Variants in NOX3 observed in about 807,000 individuals in gnomAD.
NOX3 encodes NADPH oxidase 3.
In NOX3, 74 loss-of-function variants were observed where a neutral mutation model predicts 76.7. The observed-to-expected ratio is 0.96, with a 90% CI of 0.80 to 1.17. The LOEUF (loss-of-function observed/expected upper bound fraction) is 1.17, where lower values mean the gene tolerates loss of function less well. Among genes scored for constraint, NOX3 ranks in the 50% most tolerant of loss-of-function variants. The probability of loss-of-function intolerance (pLI) is 0.00; values close to 1 mark genes in which losing one functional copy is unlikely to be tolerated. For synonymous variants in NOX3, 263 were observed against 261.1 expected (o/e 1.01, Z -0.07); for missense variants, 695 against 703.3 (o/e 0.99, Z 0.13).
At chr6:155,417,040 C>T (rs188400279) in intron 10 of NOX3, among the ~76,000 whole-genome samples, 9 of 152,128 alleles carry the variant, frequency 5.9e-5, no homozygotes, top group Admixed American at 3.9e-4. Context: ...TGTGAGCCAC[C>T]ACACCTGGCC....
At chr6:155,417,885 C>T (rs911779226) in intron 10 of NOX3, among the ~76,000 whole-genome samples, 1 of 152,150 alleles carries the variant, frequency 6.6e-6, no homozygotes, top group Non-Finnish European at 1.5e-5. Flanking sequence ...AGGTTAAGAA[C>T]CCAAAGGCCA....
chr6:155,452,059 T>C (rs1777152438), intron 4 of NOX3, among the ~76,000 whole-genome samples: 1 of 152,180 alleles, frequency 6.6e-6, no homozygotes, highest in Non-Finnish European at 1.5e-5. Flanking sequence ...CATTTTACTG[T>C]GTTATGCAGA....
intron 12 of NOX3, among the ~76,000 whole-genome samples, chr6:155,403,804 T>C (rs1779265415): frequency 6.6e-6 from 1 of 152,204 alleles, no homozygotes; most frequent in African/African-American, 2.4e-5. Context: ...AGTTTTATCC[T>C]TGGTCTCTTG....
intron 4 of NOX3, among the ~76,000 whole-genome samples, chr6:155,451,540 A>T (rs1475274901): frequency 6.6e-6 from 1 of 152,224 alleles, no homozygotes; most frequent in African/African-American, 2.4e-5. Context: ...ACACGATTAC[A>T]TATAAAGAAA....
In NOX3 at chr6:155,400,451, G is replaced by A. The variant is rs1458543214; in HGVS notation, c.1581-3489C>T. ...TAAAATCGATAAACAGAAGCTTCCC[G>A]TGGATTTATGGAGGCTTAGAAAGAA... On this transcript the variant is annotated intron_variant, in intron 12 of 13. Coordinates refer to ENST00000159060, the MANE Select transcript of NOX3 (RefSeq NM_015718.3). Among the ~76,000 whole-genome samples the A allele has an allele frequency of 5.3e-5, 8 of 152,270 alleles. No individual in the cohort carries two copies. The East Asian group carries it at 1.2e-3, about 22-fold the overall frequency.
At chr6:155,441,877 A>G (rs1776991379) in intron 5 of NOX3, among the ~76,000 whole-genome samples, 1 of 152,186 alleles carries the variant, frequency 6.6e-6, no homozygotes, top group Non-Finnish European at 1.5e-5. Flanking sequence ...CTGTGATTCA[A>G]TGGACGGACA....
At chr6:155,442,047 G>A (rs1776996220) in intron 5 of NOX3, among the ~76,000 whole-genome samples, 1 of 152,134 alleles carries the variant, frequency 6.6e-6, no homozygotes, top group Non-Finnish European at 1.5e-5. Flanking sequence ...GGCGGATCAC[G>A]AGGTCAGGCG....
chr6:155,397,836 C>T (rs1779159531), intron 12 of NOX3, among the ~76,000 whole-genome samples: 1 of 152,158 alleles, frequency 6.6e-6, no homozygotes, highest in Non-Finnish European at 1.5e-5. Context: ...GAAGGGAGAG[C>T]TGGAAAAGAA....
chr6:155,416,432 G>A (rs910900892), intron 10 of NOX3, among the ~76,000 whole-genome samples: 2 of 152,136 alleles, frequency 1.3e-5, no homozygotes, highest in African/African-American at 4.8e-5. Context: ...TAATACAATA[G>A]CAAATAAGAA....
At chr6:155,422,887 A>T in intron 9 of NOX3, 31 bp from the exon 10 acceptor site, 1 of 1,611,368 alleles carries the variant, frequency 6.2e-7, no homozygotes, top group South Asian at 1.1e-5. Flanking sequence ...AGCCTATTTG[A>T]CCTTCAGAAC....
chr6:155,449,794 C>T (rs1300316797), intron 4 of NOX3, among the ~76,000 whole-genome samples: 1 of 152,194 alleles, frequency 6.6e-6, no homozygotes, highest in Non-Finnish European at 1.5e-5. Context: ...TTACACACCT[C>T]TATTAAGCCA....
At chr6:155,445,981 C>CTATATATATATATATATATATATGCTATA (rs61040526) in intron 4 of NOX3, among the ~76,000 whole-genome samples, 1 of 104,200 alleles carries the variant, frequency 9.6e-6, no homozygotes, top group Non-Finnish European at 2.1e-5. Context: ...TATATATATG[C>CTATATATATATATATATATATATGCTATA]TATATATATA....
intron 13 of NOX3, 24 bp downstream of exon 13, chr6:155,396,785 A>T (rs1255305942): frequency 3.2e-6 from 5 of 1,574,814 alleles, no homozygotes; most frequent in Non-Finnish European, 4.3e-6. Flanking sequence ...CCAATCCCTG[A>T]CCTGTATGAT....
intron 6 of NOX3, among the ~76,000 whole-genome samples, chr6:155,436,772 G>A (rs1776910518): frequency 6.6e-6 from 1 of 152,074 alleles, no homozygotes; most frequent in Non-Finnish European, 1.5e-5. Flanking sequence ...GCCCCTCTGT[G>A]GTATCCTGTG....
chr6:155,424,688 T>C (rs1562464444), intron 9 of NOX3, among the ~76,000 whole-genome samples: 1 of 152,170 alleles, frequency 6.6e-6, no homozygotes, highest in Non-Finnish European at 1.5e-5. Flanking sequence ...TATATGGAAA[T>C]GGAAGAATAA....
At chr6:155,436,288 A>T in intron 7 of NOX3, 130 bp downstream of exon 7, 1 of 1,031,736 alleles carries the variant, frequency 9.7e-7, no homozygotes, top group East Asian at 2.4e-5. Flanking sequence ...TGATTTCTCC[A>T]TTAGCACACT....
intron 10 of NOX3, among the ~76,000 whole-genome samples, chr6:155,418,093 G>T (rs1776642881): frequency 6.6e-6 from 1 of 152,196 alleles, no homozygotes. Context: ...TGACTGCACA[G>T]CTGTGATATT....
chr6:155,449,336 C>T (rs942107522), intron 4 of NOX3, among the ~76,000 whole-genome samples: 9 of 152,068 alleles, frequency 5.9e-5, no homozygotes, highest in African/African-American at 1.9e-4. Context: ...ATTTAGACAC[C>T]CCTTGATGGA....
intron 5 of NOX3, among the ~76,000 whole-genome samples, chr6:155,441,569 T>A (rs1380266416): frequency 6.6e-6 from 1 of 152,170 alleles, no homozygotes; most frequent in Non-Finnish European, 1.5e-5. Flanking sequence ...TAATGTACAC[T>A]CTGTGTTATT....
Sources: allele counts gnomAD v4.1 joint callset (sites outside exome capture counted in the v4.1 genomes callset), GRCh38; gene constraint gnomAD v4.1.1; transcripts MANE v1.5; gene names NCBI Gene and HGNC (gene_info 2026-07-23, HGNC 2026-07-21).